The following PSMA6 variants were observed in gnomAD, a reference collection of about 807,000 sequenced individuals.
PSMA6 encodes the protein proteasome 20S subunit alpha 6.
For synonymous variants in PSMA6, 88 were observed against 97.7 expected, an observed-to-expected ratio of 0.90 and a Z score of 0.59; for missense variants, 170 against 294.8, an observed-to-expected ratio of 0.58 and a Z score of 3.10.
upstream of PSMA6, among the ~76,000 whole-genome samples, chr14:35,288,566 A>AAAAATCAGGC: frequency 6.6e-6 from 1 of 152,338 alleles, no homozygotes; most frequent in Admixed American, 6.5e-5. Context: ...AAGGAGCCTG[A>AAAAATCAGGC]TTTTTAATCC....
At chr14:35,279,831 A>G (rs1380218345) in intron 1 of PSMA6, among the ~76,000 whole-genome samples, 1 of 152,254 alleles carries the variant, frequency 6.6e-6, no homozygotes, top group Non-Finnish European at 1.5e-5. Context: ...TGTTATAAGA[A>G]TGTACTTTTC....
chr14:35,308,277 C>T, intron 2 of PSMA6, 189 bp downstream of exon 2: 1 of 571,360 alleles, frequency 1.8e-6, no homozygotes, highest in Non-Finnish European at 2.7e-6. Context: ...CAAAATTAGT[C>T]AGGCGTGGTG....
Position 35,317,419 on chromosome 14 carries a change from T to G in PSMA6, c.*113T>G, listed in dbSNP as rs1236802397. On this transcript the variant is annotated 3_prime_UTR_variant, in exon 7 of 7. Coordinates refer to ENST00000261479, the MANE Select transcript of PSMA6 (RefSeq NM_002791.3). ...AAAAAGGAGCCTCTCCCACTCCTCC[T>G]ACCACCGAAGTGGTTAGGACTCTAT... 1.1e-6 allele frequency: 1 copy of G among 917,810 alleles called. No individual in the cohort carries two copies. 56.9% of individuals were successfully genotyped at this position (917,810 alleles called of 1,614,324 possible).
At chr14:35,314,627 T>G in intron 6 of PSMA6, 172 bp downstream of exon 6, 1 of 755,798 alleles carries the variant, frequency 1.3e-6, no homozygotes, top group Non-Finnish European at 1.8e-6. Context: ...TTGGACTCTA[T>G]TTAAGAGTCA....
At chr14:35,304,086 C>T (rs908645191) in intron 1 of PSMA6, among the ~76,000 whole-genome samples, 2 of 152,052 alleles carry the variant, frequency 1.3e-5, no homozygotes, top group African/African-American at 4.8e-5. Flanking sequence ...GATTTTCCTG[C>T]CTCAGCCTCC....
chr14:35,306,715 G>A (rs898083291), intron 1 of PSMA6, among the ~76,000 whole-genome samples: 2 of 151,968 alleles, frequency 1.3e-5, no homozygotes, highest in Admixed American at 1.3e-4. Context: ...TCTTACTGTC[G>A]AAAGACAGCC....
At chr14:35,314,744 CT>C (rs1003545927) in intron 6 of PSMA6, 13 of 84,004 alleles carry the variant, frequency 1.5e-4, no homozygotes, top group Non-Finnish European at 2.6e-4. Flanking sequence ...TAAGTGTTTT[CT>C]TTTTTTTAGT....
At position 35,299,661 on chromosome 14, in the gene PSMA6, C is replaced by T. The variant is rs116816494; in HGVS notation, c.76+7109C>T. On this transcript the variant is annotated intron_variant, in intron 1 of 6. Transcript: ENST00000261479. ...TGGCCTTCATATACCATAGGTTGTC[C>T]GTATCTGCTCTAAACCATGATACTA... Among the ~76,000 whole-genome samples, 617 of 152,174 alleles carry T rather than the reference C, an allele frequency of 4.1e-3. 4 individuals are homozygous for T. Among genetic ancestry groups the T allele is most frequent in the African/African-American group, 0.014 (585 of 41,526 alleles).
At chr14:35,306,252 A>C (rs910814275) in intron 1 of PSMA6, among the ~76,000 whole-genome samples, 1 of 151,522 alleles carries the variant, frequency 6.6e-6, no homozygotes, top group African/African-American at 2.4e-5. Flanking sequence ...ATATGTGTCT[A>C]TTATTAAATT....
At chr14:35,292,147 T>C (rs2051492612), upstream of PSMA6, among the ~76,000 whole-genome samples, 1 of 152,210 alleles carries the variant, frequency 6.6e-6, no homozygotes, top group African/African-American at 2.4e-5. Context: ...CAGGAAGCCT[T>C]TTCGTCCTTG....
intron 1 of PSMA6, among the ~76,000 whole-genome samples, chr14:35,294,256 C>A (rs1392907541): frequency 6.8e-6 from 1 of 147,752 alleles, no homozygotes; most frequent in Non-Finnish European, 1.5e-5. Flanking sequence ...ATCTCGAACT[C>A]CCAACCTCAG....
At chr14:35,294,974 C>T (rs1322750805) in intron 1 of PSMA6, among the ~76,000 whole-genome samples, 3 of 152,004 alleles carry the variant, frequency 2.0e-5, no homozygotes, top group Admixed American at 6.6e-5. Context: ...CTTTATCTTC[C>T]ATACTTGGGA....
At chr14:35,282,143 C>A (rs1014315694) in intron 1 of PSMA6, among the ~76,000 whole-genome samples, 1 of 152,184 alleles carries the variant, frequency 6.6e-6, no homozygotes, top group African/African-American at 2.4e-5. Context: ...TCAAACTGAA[C>A]CACTTTGAAA....
At chr14:35,298,017 A>G (rs2051632571) in intron 1 of PSMA6, among the ~76,000 whole-genome samples, 1 of 152,140 alleles carries the variant, frequency 6.6e-6, no homozygotes, top group Non-Finnish European at 1.5e-5. Flanking sequence ...TTCCTAACCT[A>G]ATGGTTTGTT....
chr14:35,292,340 G>A (rs1240556741), upstream of PSMA6: 2 of 1,509,480 alleles, frequency 1.3e-6, no homozygotes, highest in Non-Finnish European at 1.8e-6. Flanking sequence ...CCAGAGCCGT[G>A]AGTTCGGCAT....
chr14:35,279,468 A>T (rs2051342206), intron 1 of PSMA6, among the ~76,000 whole-genome samples: 1 of 152,252 alleles, frequency 6.6e-6, no homozygotes, highest in African/African-American at 2.4e-5. Context: ...CTGCTACTCA[A>T]GGCTTGCTTT....
chr14:35,305,720 A>T (rs1050460465), intron 1 of PSMA6, among the ~76,000 whole-genome samples: 7 of 152,206 alleles, frequency 4.6e-5, no homozygotes, highest in Non-Finnish European at 1.0e-4. Flanking sequence ...TGGGATTATG[A>T]ATAATTATTT....
chr14:35,284,104 A>G (rs150404138), intron 1 of PSMA6, among the ~76,000 whole-genome samples: 2 of 152,250 alleles, frequency 1.3e-5, no homozygotes, highest in Non-Finnish European at 2.9e-5. Flanking sequence ...TTCCAACTAG[A>G]TAGAGCATAA....
chr14:35,291,716 G>C (rs1201124678), upstream of PSMA6, among the ~76,000 whole-genome samples: 3 of 151,794 alleles, frequency 2.0e-5, no homozygotes, highest in Admixed American at 6.6e-5. Flanking sequence ...CCAGCTACTC[G>C]GGAGGATGAG....
Sources: gnomAD v4.1 joint callset for allele counts (sites outside exome capture counted in the v4.1 genomes callset) on GRCh38, gnomAD v4.1.1 for gene constraint, MANE v1.5 for transcripts, NCBI Gene and HGNC (gene_info 2026-07-23, HGNC 2026-07-21) for gene names.